The following IRS1 variants were observed in gnomAD, a reference collection of about 807,000 sequenced individuals.
The protein encoded by IRS1 is insulin receptor substrate 1.
Under a neutral mutation model 65.6 loss-of-function variants are expected in IRS1, and 34 were observed. The observed-to-expected ratio is 0.52, with a 90% confidence interval of 0.39 to 0.69. IRS1 has a LOEUF of 0.69. Ranked by LOEUF, IRS1 falls within the 30% of genes least tolerant of loss-of-function variation. The pLI is 0.00. For synonymous variants in IRS1, 699 were observed against 683.5 expected, an observed-to-expected ratio of 1.02 and a Z score of -0.35; for missense variants, 1,641 against 1,720.2, an observed-to-expected ratio of 0.95 and a Z score of 0.81.
At chr2:226,785,233 G>A (rs896840607) in intron 1 of IRS1, among the ~76,000 whole-genome samples, 4 of 152,156 alleles carry the variant, frequency 2.6e-5, no homozygotes, top group African/African-American at 7.2e-5. Flanking sequence ...GGGAATGAAT[G>A]CCTAAGTACC....
At position 226,798,002 on chromosome 2, in the gene IRS1, G is replaced by T. The variant is rs773394157; in HGVS notation, c.737C>A (p.Ala246Asp). 6.2e-7 allele frequency: 1 copy of T among 1,613,938 alleles called. No homozygotes were observed. The highest frequency in any genetic ancestry group is 8.5e-7 in the Non-Finnish European group (1 of 1,180,020). Residue 246 changes from alanine to aspartate, a missense_variant, in exon 1 of 2, where the codon GCC becomes GAC. Transcript: ENST00000305123. The surrounding 1 kb of genome is among the most constrained non-coding windows in gnomAD (Gnocchi z 9.4). ...CAGGATGGTCTCGTGCATGTTCTGG[G>T]CCACCACAGAGTCATCCACCTGCAT... ...FWMQVDDSVV[A>D]QNMHETILEA...
intron 1 of IRS1, among the ~76,000 whole-genome samples, chr2:226,743,211 G>A (rs956489905): frequency 6.6e-5 from 10 of 150,684 alleles, no homozygotes; most frequent in Non-Finnish European, 1.0e-4. Flanking sequence ...CAGACCACAC[G>A]TACTCTCAGG....
At chr2:226,738,153 C>T (rs1354143845) in intron 1 of IRS1, among the ~76,000 whole-genome samples, 1 of 152,174 alleles carries the variant, frequency 6.6e-6, no homozygotes, top group Non-Finnish European at 1.5e-5. Context: ...CAAGATGTAG[C>T]AGTAATAATG....
At chr2:226,762,283 T>C (rs1938930991) in intron 1 of IRS1, among the ~76,000 whole-genome samples, 1 of 151,536 alleles carries the variant, frequency 6.6e-6, no homozygotes, top group Admixed American at 6.6e-5. Flanking sequence ...TCTTATTGCA[T>C]TGACAATTAA....
chr2:226,732,729 A>T lies in IRS1; in HGVS notation c.*3543T>A, dbSNP rs914592769. ...CACAAACACACACACACACACACACACACATATACAGCATTACCTCCAACT... is the reference window on the plus strand; with the variant it reads ...CACAAACACACACACACACACACACTCACATATACAGCATTACCTCCAACT... On this transcript the variant is annotated 3_prime_UTR_variant, in exon 2 of 2. Transcript: ENST00000305123. 1 of 151,562 alleles carries T rather than the reference A, an allele frequency of 6.6e-6. No homozygotes were observed. Among genetic ancestry groups the T allele is most frequent in the Non-Finnish European group, 1.5e-5 (1 of 67,930 alleles). The allele number at this position is 151,562 out of a possible 1,614,324, so 9.4% of individuals were successfully genotyped here.
At chr2:226,773,788 C>T (rs1475004132) in intron 1 of IRS1, among the ~76,000 whole-genome samples, 2 of 152,176 alleles carry the variant, frequency 1.3e-5, no homozygotes, top group South Asian at 2.1e-4. Context: ...CCCAGGAAGG[C>T]GAAGAAGGGG....
In IRS1 at chr2:226,799,303, C is replaced by T; in HGVS notation, c.-565G>A. ...TCCTCCCACCCCCCAACCGTCCCAG[C>T]CGCCACCAGCCGCCCAAATACCAGC... On this transcript the variant is annotated 5_prime_UTR_variant, in exon 1 of 2. Transcript: ENST00000305123. The surrounding 1 kb of genome is among the most constrained non-coding windows in gnomAD (Gnocchi z 6.1). 1 of 1,205,148 alleles carries T rather than the reference C, an allele frequency of 8.3e-7. No homozygotes were observed. Among genetic ancestry groups the T allele is most frequent in the Non-Finnish European group, 1.1e-6 (1 of 941,966 alleles). 74.7% of individuals were successfully genotyped at this position (1,205,148 alleles called of 1,614,324 possible).
At chr2:226,791,466 G>T (rs1939595522) in intron 1 of IRS1, among the ~76,000 whole-genome samples, 1 of 152,206 alleles carries the variant, frequency 6.6e-6, no homozygotes, top group Non-Finnish European at 1.5e-5. Flanking sequence ...CCCCGTCCGT[G>T]GGCTGGTTGG....
rs763236922 is a variant in IRS1 at position 226,796,902 on chromosome 2, T to C, written c.1837A>G (p.Met613Val). 74 of 1,542,138 alleles carry C rather than the reference T, an allele frequency of 4.8e-5. No homozygotes were observed. The highest frequency in any genetic ancestry group is 5.9e-5 in the Non-Finnish European group (67 of 1,143,568). ...SSTLHTDDGYMPMSPGVAPVP... is the reference protein window; with the variant it reads ...SSTLHTDDGYVPMSPGVAPVP... ...GGGGCCACCCCTGGGGACATGGGCA[T>C]GTAGCCATCATCCGTGTGGAGGGTG... The change falls in exon 1 of 2, where the codon ATG becomes GTG. Residue 613 changes from methionine (M) to valine (V), a missense_variant. By Grantham distance (21) the Met-to-Val change is conservative (BLOSUM62 1). This residue lies in a region of IRS1 where 1,324 missense variants were observed against 1,361.0 expected (regional missense o/e 0.97). Coordinates refer to ENST00000305123, the MANE Select transcript of IRS1 (RefSeq NM_005544.3).
At chr2:226,777,034 T>A (rs1939287340) in intron 1 of IRS1, among the ~76,000 whole-genome samples, 2 of 152,148 alleles carry the variant, frequency 1.3e-5, no homozygotes, top group South Asian at 4.1e-4. Flanking sequence ...GGGAAACTGA[T>A]ACAGCCTAAG....
intron 1 of IRS1, among the ~76,000 whole-genome samples, chr2:226,744,044 T>G (rs183459356): frequency 1.3e-5 from 2 of 152,260 alleles, no homozygotes; most frequent in Admixed American, 1.3e-4. Context: ...ACTACCCAAT[T>G]GTTTCTCAAG....
At chr2:226,751,537 C>T (rs1029669705) in intron 1 of IRS1, among the ~76,000 whole-genome samples, 6 of 152,196 alleles carry the variant, frequency 3.9e-5, no homozygotes, top group Admixed American at 2.0e-4. Flanking sequence ...CCCGCCTTGG[C>T]CTCCCAAAGT....
At chr2:226,773,917 C>T (rs1277368211) in intron 1 of IRS1, among the ~76,000 whole-genome samples, 1 of 152,104 alleles carries the variant, frequency 6.6e-6, no homozygotes, top group East Asian at 1.9e-4. Flanking sequence ...AAATATGATC[C>T]TCAAGCCCTT....
rs1373167851 is a variant in IRS1 at position 226,734,855 on chromosome 2, A to G, written c.*1417T>C. The G allele has an allele frequency of 1.3e-5, 2 of 152,210 alleles. No individual in the cohort carries two copies. Among genetic ancestry groups the G allele is most frequent in the East Asian group, 3.8e-4 (2 of 5,198 alleles). The allele number at this position is 152,210 out of a possible 1,614,324, so 9.4% of individuals were successfully genotyped here. A position where few individuals can be genotyped will look rare whatever the true frequency, so the allele number is the denominator to read the frequency against. On this transcript the variant is annotated 3_prime_UTR_variant, in exon 2 of 2. Transcript: ENST00000305123. ...AGAATTAACATTTTCACTGCTGGCT[A>G]GGTGTTTCAGTAGCAGGTCATTAAG...
At chr2:226,791,995 G>C (rs1163653173) in intron 1 of IRS1, 1 of 152,392 alleles carries the variant, frequency 6.6e-6, no homozygotes, top group African/African-American at 2.4e-5. Context: ...TGCCAGGGCC[G>C]AGAGGGTTTG....
chr2:226,791,303 C>T (rs986150576), intron 1 of IRS1, among the ~76,000 whole-genome samples: 2 of 152,142 alleles, frequency 1.3e-5, no homozygotes, highest in Non-Finnish European at 2.9e-5. Context: ...GCGGGACTCC[C>T]TCCTGCTCGC....
At chr2:226,751,117 A>G (rs1291545094) in intron 1 of IRS1, among the ~76,000 whole-genome samples, 1 of 151,960 alleles carries the variant, frequency 6.6e-6, no homozygotes, top group Non-Finnish European at 1.5e-5. Context: ...CATGAAGGAA[A>G]TTTTCCAGGT....
At chr2:226,764,573 G>A (rs974827212) in intron 1 of IRS1, among the ~76,000 whole-genome samples, 1 of 152,206 alleles carries the variant, frequency 6.6e-6, no homozygotes, top group African/African-American at 2.4e-5. Flanking sequence ...CCTACAGAGA[G>A]ACTTTTAAAA....
Position 226,798,525 on chromosome 2 carries a change from T to A in IRS1, c.214A>T (p.Ile72Phe). The part of the protein sequence containing the change: ...RSIPLESCFN[I>F]NKRADSKNKH... ...TTCTTGGAGTCAGCCCGCTTGTTGA[T>A]GTTGAAGCAGCTCTCAAGGGGGATC... Residue 72 changes from isoleucine to phenylalanine, a missense_variant, in exon 1 of 2, where the codon ATC (isoleucine) becomes TTC (phenylalanine). Ile to Phe is a conservative substitution (Grantham distance 21). Transcript: ENST00000305123. This position sits in a 1 kb window ranked among gnomAD's most constrained non-coding sequence, Gnocchi z 9.4. 1 of 1,614,054 alleles carries A rather than the reference T, an allele frequency of 6.2e-7. No individual in the cohort carries two copies. Among genetic ancestry groups the A allele is most frequent in the Non-Finnish European group, 8.5e-7 (1 of 1,180,012 alleles).
Sources: gnomAD v4.1 joint callset for allele counts (sites outside exome capture counted in the v4.1 genomes callset) on GRCh38, gnomAD v4.1.1 for gene constraint, gnomAD v4.1.1 regional missense constraint, Gnocchi (gnomAD v3.1) non-coding constraint, MANE v1.5 for transcripts, NCBI Gene and HGNC (gene_info 2026-07-23, HGNC 2026-07-21) for gene names.